SLC25A21: variants seen among roughly 807,000 people sequenced by gnomAD.
SLC25A21 encodes solute carrier family 25 member 21.
SLC25A21 carries 47 observed loss-of-function variants against 43.8 expected under a neutral mutation model. The observed-to-expected ratio is 1.07, with a 90% CI of 0.85 to 1.37. The LOEUF is 1.37. Ranked by LOEUF, SLC25A21 falls within the 40% of genes most tolerant of loss-of-function variation. SLC25A21 has a pLI of 0.00. For synonymous variants in SLC25A21, 131 were observed against 121.3 expected (o/e 1.08, Z -0.52); for missense variants, 352 against 350.2 (o/e 1.00, Z -0.04).
At position 37,077,983 on chromosome 14, in the gene SLC25A21, T is replaced by G. The variant is rs1013591312; in HGVS notation, c.70+94298A>C. 1.7e-4 allele frequency among the ~76,000 whole-genome samples: 26 copies of G among 151,994 alleles called. 1 individual carries two copies. Among genetic ancestry groups the G allele is most frequent in the African/African-American group, 5.8e-4 (24 of 41,436 alleles). ...TTAAACGAAAGACATTTCTCTATGC[T>G]CAGTGAGAGTTACATTTCCTAATTT... On this transcript the variant is annotated intron_variant, in intron 1 of 9. Transcript: ENST00000331299.
At chr14:37,129,453 C>T (rs1448718945) in intron 1 of SLC25A21, among the ~76,000 whole-genome samples, 8 of 152,004 alleles carry the variant, frequency 5.3e-5, no homozygotes, top group East Asian at 3.9e-4. Context: ...GCAATGATCC[C>T]GATTTACCCA....
intron 3 of SLC25A21, among the ~76,000 whole-genome samples, chr14:36,812,196 G>A (rs900738589): frequency 6.6e-6 from 1 of 151,996 alleles, no homozygotes. Context: ...ATACACTTAG[G>A]ACAGTTGTGT....
chr14:36,845,763 C>CTCTT (rs1889521903), intron 2 of SLC25A21, among the ~76,000 whole-genome samples: 1 of 152,208 alleles, frequency 6.6e-6, no homozygotes, highest in African/African-American at 2.4e-5. Context: ...TTTAGACATA[C>CTCTT]TCTTGACAGG....
chr14:37,168,564 A>G (rs761581024), intron 1 of SLC25A21, among the ~76,000 whole-genome samples: 22 of 151,896 alleles, frequency 1.4e-4, no homozygotes, highest in Admixed American at 2.0e-4. Flanking sequence ...CATAGGGATT[A>G]GCTACAGTTG....
intron 1 of SLC25A21, among the ~76,000 whole-genome samples, chr14:37,053,974 A>T (rs564181012): frequency 7.2e-5 from 11 of 152,246 alleles, no homozygotes; most frequent in Non-Finnish European, 1.5e-4. Context: ...AAATGGCCAC[A>T]AATTCCTTGC....
chr14:36,679,454 C>T lies in SLC25A21; in HGVS notation c.*1204G>A. Reference sequence around the variant, plus strand: ...CACGGTAGTAACTTAGGACAGGTGTCATATGGACTTTCAGTTATTCTTGTT... The same window carrying T: ...CACGGTAGTAACTTAGGACAGGTGTTATATGGACTTTCAGTTATTCTTGTT... On this transcript the variant is annotated 3_prime_UTR_variant, in exon 10 of 10. Coordinates refer to ENST00000331299, the MANE Select transcript of SLC25A21 (RefSeq NM_030631.4). 1 of 985,370 alleles carries T rather than the reference C, an allele frequency of 1.0e-6. No homozygotes were observed. Among genetic ancestry groups the T allele is most frequent in the Non-Finnish European group, 1.2e-6 (1 of 829,888 alleles). 61.0% of individuals were successfully genotyped at this position (985,370 alleles called of 1,614,324 possible). A position where few individuals can be genotyped will look rare whatever the true frequency, so the allele number is the denominator to read the frequency against.
At chr14:36,829,850 T>A (rs1361572857) in intron 2 of SLC25A21, among the ~76,000 whole-genome samples, 1 of 152,204 alleles carries the variant, frequency 6.6e-6, no homozygotes, top group Non-Finnish European at 1.5e-5. Context: ...GTGCAAATAG[T>A]ACACCTTCAT....
chr14:37,032,063 A>G (rs1261550384), intron 1 of SLC25A21, among the ~76,000 whole-genome samples: 8 of 152,102 alleles, frequency 5.3e-5, no homozygotes, highest in Non-Finnish European at 1.0e-4. Flanking sequence ...CAACATTCCT[A>G]TTTCTTTCAT....
intron 1 of SLC25A21, among the ~76,000 whole-genome samples, chr14:36,939,309 G>T (rs200206636): frequency 1.6e-4 from 24 of 151,502 alleles, no homozygotes; most frequent in Middle Eastern, 6.8e-3. Flanking sequence ...AGCCAGGGGT[G>T]GGGGGGGAAT....
intron 7 of SLC25A21, 24 bp downstream of exon 7, chr14:36,711,294 G>A: frequency 3.1e-6 from 5 of 1,608,292 alleles, no homozygotes; most frequent in East Asian, 2.2e-5. Context: ...TTTCCTCCAG[G>A]ATTTTAATTT....
At chr14:36,845,855 T>C (rs901196308) in intron 2 of SLC25A21, among the ~76,000 whole-genome samples, 1 of 152,228 alleles carries the variant, frequency 6.6e-6, no homozygotes, top group Non-Finnish European at 1.5e-5. Context: ...GCTTCTCCAG[T>C]TTTCCAGAGA....
At chr14:36,999,882 T>C (rs945218868) in intron 1 of SLC25A21, among the ~76,000 whole-genome samples, 2 of 152,116 alleles carry the variant, frequency 1.3e-5, no homozygotes, top group African/African-American at 2.4e-5. Context: ...TCTGTCTTCT[T>C]ACCCTTGAAT....
At chr14:36,870,498 T>G (rs1890339536) in intron 2 of SLC25A21, 1 of 152,182 alleles carries the variant, frequency 6.6e-6, no homozygotes, top group African/African-American at 2.4e-5. Flanking sequence ...CCGGCCATCT[T>G]TACAGCATGT....
At chr14:37,090,662 G>GT (rs1345477906) in intron 1 of SLC25A21, among the ~76,000 whole-genome samples, 20 of 152,254 alleles carry the variant, frequency 1.3e-4, no homozygotes. Context: ...CAAAGATTAG[G>GT]TATGTCCCTT....
At chr14:37,008,721 C>T (rs1362276403) in intron 1 of SLC25A21, among the ~76,000 whole-genome samples, 1 of 152,200 alleles carries the variant, frequency 6.6e-6, no homozygotes, top group East Asian at 1.9e-4. Context: ...GGGAGAGACG[C>T]TTTGATTAAA....
chr14:36,869,628 C>T (rs1890312835), intron 2 of SLC25A21, among the ~76,000 whole-genome samples: 1 of 152,162 alleles, frequency 6.6e-6, no homozygotes, highest in South Asian at 2.1e-4. Flanking sequence ...ACACTAAAGA[C>T]CTGAGGCTTA....
chr14:37,011,118 C>G (rs1960722521), intron 1 of SLC25A21, among the ~76,000 whole-genome samples: 1 of 152,160 alleles, frequency 6.6e-6, no homozygotes, highest in Admixed American at 6.5e-5. Flanking sequence ...AACTCCTCAC[C>G]TCAAGTGATC....
intron 2 of SLC25A21, among the ~76,000 whole-genome samples, chr14:36,857,592 G>C (rs1889937407): frequency 6.6e-6 from 1 of 152,216 alleles, no homozygotes; most frequent in Non-Finnish European, 1.5e-5. Context: ...TTAATTCAAG[G>C]TTTAAATTTA....
intron 1 of SLC25A21, among the ~76,000 whole-genome samples, chr14:37,100,290 C>T (rs1017352122): frequency 3.7e-4 from 57 of 152,126 alleles, no homozygotes; most frequent in African/African-American, 1.3e-3. Flanking sequence ...AACTCCTGAC[C>T]TCAGGTGTTT....
Sources: gnomAD v4.1 joint callset for allele counts (sites outside exome capture counted in the v4.1 genomes callset) on GRCh38, gnomAD v4.1.1 for gene constraint, MANE v1.5 for transcripts, NCBI Gene and HGNC (gene_info 2026-07-23, HGNC 2026-07-21) for gene names.